The following SHPRH variants were observed in gnomAD, a reference collection of about 807,000 sequenced individuals.
SHPRH encodes the protein E3 ubiquitin-protein ligase SHPRH.
In SHPRH, 106 loss-of-function variants were observed where a neutral mutation model predicts 202.5. The observed-to-expected ratio is 0.52, with a 90% CI of 0.45 to 0.62. The LOEUF is 0.62. Ranked by LOEUF, SHPRH falls within the 20% of genes least tolerant of loss-of-function variation. The pLI, the probability that SHPRH is intolerant of heterozygous loss-of-function variation, is 0.00. For synonymous variants in SHPRH, 729 were observed against 686.0 expected (o/e 1.06, Z -0.98); for missense variants, 1,710 against 2,020.0 (o/e 0.85, Z 2.94).
chr6:145,881,372 G>A (rs1388041244), downstream of SHPRH, among the ~76,000 whole-genome samples: 1 of 152,148 alleles, frequency 6.6e-6, no homozygotes, highest in African/African-American at 2.4e-5. Context: ...GAGGAGCAAA[G>A]GCATGTCTTA....
rs1464725296 is a variant in SHPRH at position 145,944,011 on chromosome 6, G to A, written c.1579-209C>T. On this transcript the variant is annotated intron_variant, in intron 8 of 29. Transcript: ENST00000275233. ...TCAAAACAAAAGGAAGGCTCTACAA[G>A]TGTCAGATTTGGAGAGATGAAAAAT... is the stretch of plus-strand genomic sequence containing the variant. Among the ~76,000 whole-genome samples the A allele has an allele frequency of 5.3e-5, 8 of 152,194 alleles. No homozygotes were observed. The East Asian group carries it at 1.6e-3, about 29-fold the overall frequency.
At chr6:145,922,167 A>T in intron 20 of SHPRH, 119 bp downstream of exon 20, 1 of 839,610 alleles carries the variant, frequency 1.2e-6, no homozygotes, top group Non-Finnish European at 1.8e-6. Flanking sequence ...TAATCAATTT[A>T]ATTAAAGAAA....
intron 11 of SHPRH, chr6:145,935,654 ATGT>A (rs1200814265): frequency 1.2e-5 from 6 of 501,036 alleles, no homozygotes; most frequent in Non-Finnish European, 2.1e-5. Flanking sequence ...TGCTAAAATA[ATGT>A]TAGATTTATG....
chr6:145,896,140 G>C (rs991242036), intron 25 of SHPRH, among the ~76,000 whole-genome samples: 2 of 152,018 alleles, frequency 1.3e-5, no homozygotes, highest in African/African-American at 4.8e-5. Flanking sequence ...AAGCCAGCAA[G>C]ATAGAATAAT....
intron 16 of SHPRH, 70 bp downstream of exon 16, chr6:145,926,134 A>G (rs554405526): frequency 3.6e-5 from 46 of 1,281,152 alleles, no homozygotes; most frequent in East Asian, 7.1e-5. Context: ...GTCCTAGGAT[A>G]TATCAACTAT....
chr6:145,940,248 T>C (rs1786609260), intron 11 of SHPRH, among the ~76,000 whole-genome samples: 2 of 152,170 alleles, frequency 1.3e-5, no homozygotes, highest in South Asian at 4.1e-4. Flanking sequence ...TAATAACTTA[T>C]ATAATTACTA....
intron 11 of SHPRH, among the ~76,000 whole-genome samples, chr6:145,936,227 A>G (rs1379001030): frequency 6.8e-6 from 1 of 147,862 alleles, no homozygotes; most frequent in Admixed American, 6.8e-5. Flanking sequence ...TATGAAGTGG[A>G]AAAAAAAAAA....
chr6:145,914,756 T>C (rs1355003976), intron 23 of SHPRH, among the ~76,000 whole-genome samples: 3 of 152,190 alleles, frequency 2.0e-5, no homozygotes, highest in Non-Finnish European at 4.4e-5. Context: ...TGTCAATTTC[T>C]ATTAAACTTT....
At chr6:145,921,517 T>G (rs1296697997) in intron 20 of SHPRH, 125 bp from the exon 21 acceptor site, 2 of 897,352 alleles carry the variant, frequency 2.2e-6, no homozygotes, top group Admixed American at 5.9e-5. Context: ...TTGAAAAAGC[T>G]GAAAACATCA....
chr6:145,889,148 GCTGGGGGATATACAC>G (rs1375219380), intron 28 of SHPRH, among the ~76,000 whole-genome samples: 1 of 152,126 alleles, frequency 6.6e-6, no homozygotes, highest in Non-Finnish European at 1.5e-5. Flanking sequence ...GCATGTCTGG[GCTGGGGGATATACAC>G]CTGAGAGTCA....
Position 145,918,463 on chromosome 6 carries a change from G to T in SHPRH, c.4153-231C>A, listed in dbSNP as rs546815962. ...AATGCAGAGTTCTTTTAAACAGGAAGTGTCCCTATGTACCTGAAGTCAGAT... is the reference window on the plus strand; with the variant it reads ...AATGCAGAGTTCTTTTAAACAGGAATTGTCCCTATGTACCTGAAGTCAGAT... On this transcript the variant is annotated intron_variant, in intron 22 of 29. Transcript: ENST00000275233. The T allele has an allele frequency of 2.1e-5, 6 of 279,934 alleles. No homozygotes were observed. The South Asian group carries it at 6.9e-4, about 32-fold the overall frequency. The allele number at this position is 279,934 out of a possible 1,614,324, so 17.3% of individuals were successfully genotyped here. A position where few individuals can be genotyped will look rare whatever the true frequency, so the allele number is the denominator to read the frequency against.
chr6:145,901,554 G>A (rs1416314961), intron 25 of SHPRH, among the ~76,000 whole-genome samples: 1 of 152,106 alleles, frequency 6.6e-6, no homozygotes, highest in Non-Finnish European at 1.5e-5. Context: ...TGTTAACACA[G>A]TATGAACATT....
intron 25 of SHPRH, among the ~76,000 whole-genome samples, chr6:145,903,026 C>A (rs1782635852): frequency 6.6e-6 from 1 of 151,888 alleles, no homozygotes; most frequent in Non-Finnish European, 1.5e-5. Flanking sequence ...ATTAACTTGG[C>A]CGGTGAACAG....
At chr6:145,898,977 AC>A (rs1782255471) in intron 25 of SHPRH, among the ~76,000 whole-genome samples, 2 of 151,820 alleles carry the variant, frequency 1.3e-5, no homozygotes, top group Admixed American at 1.3e-4. Context: ...ACACCTGGCT[AC>A]TTTTAAATTT....
At chr6:145,940,281 G>C (rs190789500) in intron 11 of SHPRH, among the ~76,000 whole-genome samples, 1 of 151,978 alleles carries the variant, frequency 6.6e-6, no homozygotes, top group East Asian at 1.9e-4. Context: ...TAGTATTCCT[G>C]GGTTCACACA....
intron 7 of SHPRH, 130 bp downstream of exon 7, chr6:145,946,103 C>A: frequency 4.9e-6 from 3 of 615,944 alleles, no homozygotes; most frequent in Non-Finnish European, 7.6e-6. Context: ...TAATTGAATT[C>A]ATTTATCAAA....
intron 28 of SHPRH, among the ~76,000 whole-genome samples, chr6:145,892,488 T>A (rs1309261004): frequency 2.0e-5 from 3 of 152,150 alleles, no homozygotes; most frequent in Non-Finnish European, 4.4e-5. Flanking sequence ...GAATCTTCAG[T>A]ATTTAGAATA....
At chr6:145,917,870 T>G (rs1784091179) in intron 23 of SHPRH, 1 of 296,670 alleles carries the variant, frequency 3.4e-6, no homozygotes, top group Non-Finnish European at 6.1e-6. Flanking sequence ...CTTTTACTAT[T>G]CAAGGCTTTG....
chr6:145,892,752 G>A (rs1232523229), intron 28 of SHPRH, among the ~76,000 whole-genome samples: 2 of 151,850 alleles, frequency 1.3e-5, no homozygotes, highest in Admixed American at 1.3e-4. Flanking sequence ...TGACCTAGGG[G>A]GTGTCTTTTC....
Sources: gnomAD v4.1 joint callset for allele counts (sites outside exome capture counted in the v4.1 genomes callset) on GRCh38, gnomAD v4.1.1 for gene constraint, MANE v1.5 for transcripts, NCBI Gene and HGNC (gene_info 2026-07-23, HGNC 2026-07-21) for gene names.